SLC44A5: variants seen among roughly 807,000 people sequenced by gnomAD.
SLC44A5 encodes the protein solute carrier family 44 member 5.
SLC44A5 carries 57 observed loss-of-function variants against 101.8 expected under a neutral mutation model. The ratio of observed to expected loss-of-function variants is 0.56; its 90% CI spans 0.45 to 0.70. SLC44A5 has a LOEUF of 0.70. SLC44A5 is among the 30% of genes least tolerant of loss of function. The pLI is 0.00. For missense variants in SLC44A5, 737 were observed against 853.1 expected, an observed-to-expected ratio of 0.86 and a Z score of 1.70; for synonymous variants, 281 against 290.9, an observed-to-expected ratio of 0.97 and a Z score of 0.35.
chr1:75,485,181 A>T (rs1007721048), intron 2 of SLC44A5, among the ~76,000 whole-genome samples: 2 of 152,296 alleles, frequency 1.3e-5, no homozygotes, highest in East Asian at 1.9e-4. Context: ...TCATCACACA[A>T]TCAAGCTGCA....
intron 4 of SLC44A5, 114 bp from the exon 5 acceptor site, chr1:75,300,799 A>T: frequency 1.8e-6 from 1 of 560,444 alleles, no homozygotes; most frequent in East Asian, 3.3e-5. Flanking sequence ...TTATTTCATA[A>T]TTGCATATTT....
chr1:75,350,824 G>A (rs1167668965), intron 3 of SLC44A5, among the ~76,000 whole-genome samples: 2 of 150,596 alleles, frequency 1.3e-5, no homozygotes, highest in East Asian at 2.0e-4. Flanking sequence ...AACCCAGGAG[G>A]TGAAGGTTGC....
the SLC44A5 span, among the ~76,000 whole-genome samples, chr1:75,711,035 T>C: frequency 3.3e-5 from 5 of 152,228 alleles, no homozygotes; most frequent in African/African-American, 4.8e-5. Flanking sequence ...TCATGAGCTA[T>C]TGGTGAACTT....
chr1:75,267,545 T>C (rs1651099175), intron 6 of SLC44A5, among the ~76,000 whole-genome samples: 1 of 151,934 alleles, frequency 6.6e-6, no homozygotes, highest in African/African-American at 2.4e-5. Context: ...ATTATATTTA[T>C]TTTTATTTTT....
At chr1:75,206,745 C>G (rs760864434) in intron 23 of SLC44A5, 2 of 1,296,394 alleles carry the variant, frequency 1.5e-6, no homozygotes, top group Non-Finnish European at 2.2e-6. Flanking sequence ...CCAAAGCAGG[C>G]AAAAGCAGAA....
At chr1:75,394,040 T>C (rs900312496) in intron 3 of SLC44A5, among the ~76,000 whole-genome samples, 2 of 152,110 alleles carry the variant, frequency 1.3e-5, no homozygotes, top group Non-Finnish European at 2.9e-5. Flanking sequence ...TGGGATCAGA[T>C]ACAATTACCT....
intron 2 of SLC44A5, 82 bp downstream of exon 2, chr1:75,541,353 G>T (rs1028545295): frequency 3.8e-6 from 4 of 1,050,924 alleles, no homozygotes; most frequent in Non-Finnish European, 4.4e-6. Context: ...TTTTCTATTT[G>T]TCCTTATTTA....
At chr1:75,516,424 G>T (rs527355595) in intron 2 of SLC44A5, among the ~76,000 whole-genome samples, 1 of 152,168 alleles carries the variant, frequency 6.6e-6, no homozygotes, top group Non-Finnish European at 1.5e-5. Flanking sequence ...GGCTGAGGCA[G>T]GAGAATGGCG....
At chr1:75,616,911 G>T in the SLC44A5 span, among the ~76,000 whole-genome samples, 1 of 152,194 alleles carries the variant, frequency 6.6e-6, no homozygotes, top group Non-Finnish European at 1.5e-5. Context: ...GCCTCCAGCA[G>T]AAACTTGGTT....
chr1:75,415,509 G>A (rs1177273041), intron 2 of SLC44A5, among the ~76,000 whole-genome samples: 1 of 152,158 alleles, frequency 6.6e-6, no homozygotes, highest in Non-Finnish European at 1.5e-5. Context: ...TGTGAAAACA[G>A]ACTAATACAG....
intron 2 of SLC44A5, among the ~76,000 whole-genome samples, chr1:75,530,047 A>T (rs922353479): frequency 3.3e-5 from 5 of 152,148 alleles, no homozygotes; most frequent in Non-Finnish European, 5.9e-5. Flanking sequence ...TGATTTTGCA[A>T]GAAATAACAT....
intron 3 of SLC44A5, among the ~76,000 whole-genome samples, chr1:75,395,908 C>T (rs773573508): frequency 4.0e-5 from 6 of 151,874 alleles, no homozygotes; most frequent in Non-Finnish European, 7.4e-5. Flanking sequence ...TGGAAGTCAC[C>T]GAGTAAAAGT....
At chr1:75,511,491 A>G (rs765368259) in intron 2 of SLC44A5, among the ~76,000 whole-genome samples, 5 of 152,242 alleles carry the variant, frequency 3.3e-5, no homozygotes, top group Non-Finnish European at 7.3e-5. Flanking sequence ...CAAAAAAACT[A>G]CAAATGCAGA....
chr1:75,706,252 C>G, the SLC44A5 span, among the ~76,000 whole-genome samples: 1 of 152,064 alleles, frequency 6.6e-6, no homozygotes, highest in East Asian at 1.9e-4. Context: ...ACTTACAAAT[C>G]ACTGGAGTTC....
At chr1:75,612,286 C>G (rs1675688808), upstream of SLC44A5, among the ~76,000 whole-genome samples, 1 of 152,092 alleles carries the variant, frequency 6.6e-6, no homozygotes, top group African/African-American at 2.4e-5. Context: ...AAGTGAATAT[C>G]CAATGGCTTC....
At chr1:75,594,995 G>A (rs1175771497) in intron 1 of SLC44A5, among the ~76,000 whole-genome samples, 1 of 151,764 alleles carries the variant, frequency 6.6e-6, no homozygotes, top group Non-Finnish European at 1.5e-5. Flanking sequence ...ATTATATTTG[G>A]TATTACAACT....
At chr1:75,375,612 GTTC>G (rs1452199046) in intron 3 of SLC44A5, among the ~76,000 whole-genome samples, 1 of 23,970 alleles carries the variant, frequency 4.2e-5, no homozygotes, top group African/African-American at 7.1e-4. Context: ...TTCTATCACT[GTTC>G]ACAAAGGGAA....
intron 1 of SLC44A5, among the ~76,000 whole-genome samples, chr1:75,552,529 C>T (rs1446403785): frequency 6.6e-6 from 1 of 151,982 alleles, no homozygotes; most frequent in Non-Finnish European, 1.5e-5. Context: ...ATTCTATATG[C>T]CAACCTCAAC....
At chr1:75,666,761 G>A in the SLC44A5 span, among the ~76,000 whole-genome samples, 10 of 152,092 alleles carry the variant, frequency 6.6e-5, no homozygotes, top group Non-Finnish European at 1.2e-4. Context: ...CTTCATACCT[G>A]GCATGCAAGG....
Sources: gnomAD v4.1 joint callset for allele counts (sites outside exome capture counted in the v4.1 genomes callset) on GRCh38, gnomAD v4.1.1 for gene constraint, MANE v1.5 for transcripts, NCBI Gene and HGNC (gene_info 2026-07-23, HGNC 2026-07-21) for gene names.